Variants in EPHB1 observed in about 807,000 individuals in gnomAD.
The protein encoded by EPHB1 is ephrin type-B receptor 1.
EPHB1 carries 30 observed loss-of-function variants against 94.4 expected under a neutral mutation model. That is an observed-to-expected ratio of 0.32 (90% CI 0.24 to 0.43). EPHB1 has a LOEUF of 0.43. EPHB1 is among the 20% of genes least tolerant of loss of function. The pLI is 1.00. For missense variants in EPHB1, 1,055 were observed against 1,308.3 expected (o/e 0.81, Z 2.99); for synonymous variants, 522 against 489.1 (o/e 1.07, Z -0.89).
In EPHB1 at chr3:135,183,194, T is replaced by C. The variant is rs112726693; in HGVS notation, c.1882+3212T>C. On this transcript the variant is annotated intron_variant, in intron 10 of 15. Transcript: ENST00000398015. ...TGAGCCCCTTCTTTCCTTCCTCCCT[T>C]CCTTCCTCCCTCCCTCCCTTCCTCC... Among the ~76,000 whole-genome samples, 1,114 of 136,760 alleles carry C rather than the reference T, an allele frequency of 8.1e-3. 18 individuals are homozygous for C. Among genetic ancestry groups the C allele is most frequent in the African/African-American group, 0.027 (1,036 of 38,712 alleles). The allele number at this position is 136,760 out of a possible 152,430, so 89.7% of individuals were successfully genotyped here.
intron 3 of EPHB1, among the ~76,000 whole-genome samples, chr3:135,048,304 AG>A (rs1937070274): frequency 8.8e-6 from 1 of 113,332 alleles, no homozygotes; most frequent in African/African-American, 3.6e-5. Flanking sequence ...TCACTCTTCC[AG>A]GCTGGAGTGC....
chr3:135,166,847 T>G, intron 8 of EPHB1, 95 bp from the exon 9 acceptor site: 3 of 1,309,486 alleles, frequency 2.3e-6, no homozygotes, highest in African/African-American at 1.5e-5. Flanking sequence ...ATGCCCCGGG[T>G]GAGCCCCTAT....
chr3:134,935,702 T>C (rs751296916), intron 2 of EPHB1, among the ~76,000 whole-genome samples: 4 of 152,164 alleles, frequency 2.6e-5, no homozygotes, highest in Non-Finnish European at 4.4e-5. Flanking sequence ...ACCTAACTTG[T>C]ATGGGATGAG....
At chr3:134,979,910 T>A (rs947163799) in intron 3 of EPHB1, among the ~76,000 whole-genome samples, 2 of 152,206 alleles carry the variant, frequency 1.3e-5, no homozygotes, top group African/African-American at 4.8e-5. Flanking sequence ...CTTAATCAGT[T>A]TTTTTTGTTG....
intron 2 of EPHB1, among the ~76,000 whole-genome samples, chr3:134,926,939 T>G (rs36181): frequency 0.56 from 85,467 of 152,016 alleles, 25,597 homozygotes; most frequent in African/African-American, 0.78. Flanking sequence ...ATGGCAGGAA[T>G]GAGAGAAAGA....
intron 1 of EPHB1, among the ~76,000 whole-genome samples, chr3:134,817,402 C>T (rs973393670): frequency 6.6e-6 from 1 of 152,194 alleles, no homozygotes; most frequent in Non-Finnish European, 1.5e-5. Flanking sequence ...TTCTGGCCAG[C>T]GTGGCAGAGC....
intron 1 of EPHB1, among the ~76,000 whole-genome samples, chr3:134,924,313 C>A (rs1311834895): frequency 6.6e-6 from 1 of 152,126 alleles, no homozygotes; most frequent in African/African-American, 2.4e-5. Flanking sequence ...ACATAAGACA[C>A]AGACTGGGAG....
chr3:134,983,327 T>G (rs1467359066), intron 3 of EPHB1, among the ~76,000 whole-genome samples: 1 of 152,250 alleles, frequency 6.6e-6, no homozygotes, highest in Non-Finnish European at 1.5e-5. Context: ...CTTAATTGCA[T>G]TTGCTATTTA....
In EPHB1 at chr3:134,795,479, G is replaced by A; in HGVS notation, c.-153G>A. ...CCCACGCGCACACACTCCTGCCCAC[G>A]CCCACGCAGCGCTCCGGGAAGTCCG... is the stretch of plus-strand genomic sequence containing the variant. On this transcript the variant is annotated 5_prime_UTR_variant, in exon 1 of 16. Transcript: ENST00000398015. 1 of 690,662 alleles carries A rather than the reference G, an allele frequency of 1.4e-6. No homozygotes were observed. The highest frequency in any genetic ancestry group is 2.3e-6 in the Non-Finnish European group (1 of 428,506). 42.8% of individuals were successfully genotyped at this position (690,662 alleles called of 1,614,324 possible).
At chr3:134,827,433 G>A (rs2036504554) in intron 1 of EPHB1, among the ~76,000 whole-genome samples, 1 of 152,164 alleles carries the variant, frequency 6.6e-6, no homozygotes, top group Non-Finnish European at 1.5e-5. Flanking sequence ...AAAGTACTGT[G>A]CAGTACTAGT....
At chr3:135,081,813 A>G (rs1938175507) in intron 3 of EPHB1, among the ~76,000 whole-genome samples, 1 of 152,160 alleles carries the variant, frequency 6.6e-6, no homozygotes, top group Non-Finnish European at 1.5e-5. Flanking sequence ...AATGGCAATG[A>G]TCATGGATGC....
chr3:134,933,381 C>T (rs1450708494), intron 2 of EPHB1, among the ~76,000 whole-genome samples: 3 of 152,078 alleles, frequency 2.0e-5, no homozygotes, highest in Non-Finnish European at 4.4e-5. Context: ...GGCTTGAATC[C>T]CTCTCATGCT....
At chr3:134,965,335 A>G (rs1933693821) in intron 3 of EPHB1, among the ~76,000 whole-genome samples, 4 of 152,190 alleles carry the variant, frequency 2.6e-5, no homozygotes, top group Admixed American at 2.6e-4. Context: ...ACCTTGCAGG[A>G]TGACATGTTC....
At chr3:134,987,446 T>C (rs1934639670) in intron 3 of EPHB1, among the ~76,000 whole-genome samples, 1 of 152,158 alleles carries the variant, frequency 6.6e-6, no homozygotes, top group Non-Finnish European at 1.5e-5. Flanking sequence ...AGAGTGCTGT[T>C]TCTGTACATG....
intron 1 of EPHB1, among the ~76,000 whole-genome samples, chr3:134,909,765 C>T (rs2038413389): frequency 6.6e-6 from 1 of 152,220 alleles, no homozygotes. Flanking sequence ...CCCCTACCTC[C>T]ACAGGGAGAA....
intron 2 of EPHB1, among the ~76,000 whole-genome samples, chr3:134,935,123 G>T (rs1427794141): frequency 5.3e-5 from 8 of 152,204 alleles, no homozygotes; most frequent in Admixed American, 5.2e-4. Context: ...CTCCAGGGCA[G>T]GAGAGGACAC....
At chr3:135,177,187 C>T (rs181015697) in intron 9 of EPHB1, among the ~76,000 whole-genome samples, 37 of 152,244 alleles carry the variant, frequency 2.4e-4, no homozygotes, top group African/African-American at 8.7e-4. Flanking sequence ...AGGTGTGTGC[C>T]GACTTGTCAC....
At chr3:135,002,387 C>T (rs1432036336) in intron 3 of EPHB1, among the ~76,000 whole-genome samples, 1 of 152,170 alleles carries the variant, frequency 6.6e-6, no homozygotes. Flanking sequence ...CAATGTTCAT[C>T]AAGGATATTG....
chr3:135,118,109 T>C (rs1939787259), intron 4 of EPHB1, among the ~76,000 whole-genome samples: 1 of 152,196 alleles, frequency 6.6e-6, no homozygotes, highest in Non-Finnish European at 1.5e-5. Flanking sequence ...TGGCTCTCCC[T>C]GTAAGTGAAA....
Sources: allele counts gnomAD v4.1 joint callset (sites outside exome capture counted in the v4.1 genomes callset), GRCh38; gene constraint gnomAD v4.1.1; transcripts MANE v1.5; gene names NCBI Gene and HGNC (gene_info 2026-07-23, HGNC 2026-07-21).